The following RPL7L1 variants were observed in gnomAD, a reference collection of about 807,000 sequenced individuals.
RPL7L1 encodes the protein ribosomal protein uL30-like.
Under a neutral mutation model 30.3 loss-of-function variants are expected in RPL7L1, and 20 were observed. The observed-to-expected ratio is 0.66, with a 90% confidence interval of 0.46 to 0.96. RPL7L1 has a LOEUF of 0.96. RPL7L1 is among the 40% of genes least tolerant of loss of function. RPL7L1 has a pLI of 0.00. For missense variants in RPL7L1, 271 were observed against 314.9 expected (o/e 0.86, Z 1.05); for synonymous variants, 107 against 110.1 (o/e 0.97, Z 0.18).
At position 42,884,724 on chromosome 6, in the gene RPL7L1, T is replaced by A; in HGVS notation, c.423T>A (p.Arg141=). 6.2e-7 allele frequency: 1 copy of A among 1,614,088 alleles called. No homozygotes were observed. Among genetic ancestry groups the A allele is most frequent in the Admixed American group, 1.7e-5 (1 of 60,010 alleles). ...KVTPQNLKML[R]IVEPYVTWGF... The stretch of plus-strand genomic sequence containing the variant: ...CCCCCCAGAATCTAAAAATGCTGCG[T>A]ATAGTGGAACCTTATGTGACCTGGG... The change falls in exon 4 of 6, where the codon CGT becomes CGA. Residue 141 remains arginine, a synonymous_variant. Coordinates refer to ENST00000493763, the MANE Select transcript of RPL7L1 (RefSeq NM_001366481.3).
chr6:42,880,740 T>C, intron 1 of RPL7L1, 121 bp from the exon 2 acceptor site: 1 of 562,442 alleles, frequency 1.8e-6, no homozygotes, highest in Non-Finnish European at 3.2e-6. Context: ...CTCGAACTCC[T>C]GACCTCAGGT....
In RPL7L1 at chr6:42,879,873, A is replaced by G. The variant is rs1483128221; in HGVS notation, c.-38A>G. 1.4e-5 allele frequency: 22 copies of G among 1,610,908 alleles called. No individual in the cohort carries two copies. The highest frequency in any genetic ancestry group is 1.5e-5 in the Non-Finnish European group (18 of 1,177,898). On this transcript the variant is annotated 5_prime_UTR_variant, in exon 1 of 6. Coordinates refer to ENST00000493763, the MANE Select transcript of RPL7L1 (RefSeq NM_001366481.3). Reference sequence around the variant, plus strand: ...CAGACGTCTCTATGGTCAAGTAAACAGAGCGTGTGCTGTCTTCCCCATGTG... The same window carrying G: ...CAGACGTCTCTATGGTCAAGTAAACGGAGCGTGTGCTGTCTTCCCCATGTG...
Position 42,887,067 on chromosome 6 carries a change from T to A in RPL7L1, c.*603T>A. 6.6e-6 allele frequency: 1 copy of A among 151,960 alleles called. No individual in the cohort carries two copies. The highest frequency in any genetic ancestry group is 1.5e-5 in the Non-Finnish European group (1 of 68,014). The allele number at this position is 151,960 out of a possible 1,614,324, so 9.4% of individuals were successfully genotyped here. ...GGAAAGAATAATATTAATAACTGATTTCAAAAAGGACTTGAAGATGTGAAT... is the reference window on the plus strand; with the variant it reads ...GGAAAGAATAATATTAATAACTGATATCAAAAAGGACTTGAAGATGTGAAT... On this transcript the variant is annotated 3_prime_UTR_variant, in exon 6 of 6. Coordinates refer to ENST00000493763, the MANE Select transcript of RPL7L1 (RefSeq NM_001366481.3).
At chr6:42,883,307 A>G in intron 2 of RPL7L1, 144 bp from the exon 3 acceptor site, 2 of 582,876 alleles carry the variant, frequency 3.4e-6, no homozygotes, top group Non-Finnish European at 2.7e-6. Context: ...TTTTTCCTTT[A>G]TATGAAAATA....
Position 42,884,561 on chromosome 6 carries a change from A to G in RPL7L1, c.312-52A>G, listed in dbSNP as rs915335600. ...TGACCTCGCATGTTGTGCTTGCTGGACTGACATAAACTGGAGGGAGTCTGT... is the reference window on the plus strand; with the variant it reads ...TGACCTCGCATGTTGTGCTTGCTGGGCTGACATAAACTGGAGGGAGTCTGT... On this transcript the variant is annotated intron_variant, in intron 3 of 5. Coordinates refer to ENST00000493763, the MANE Select transcript of RPL7L1 (RefSeq NM_001366481.3). 5.1e-6 allele frequency: 8 copies of G among 1,571,480 alleles called. No individual in the cohort carries two copies. In the African/African-American group the frequency reaches 1.1e-4, roughly 21 times the overall value.
Position 42,884,703 on chromosome 6 carries a change from C to G in RPL7L1, c.402C>G (p.Pro134=). Residue 134 remains proline, a synonymous_variant, in exon 4 of 6, where the codon CCC becomes CCG. Coordinates refer to ENST00000493763, the MANE Select transcript of RPL7L1 (RefSeq NM_001366481.3). ...GTGGTGTCTTTGTAAAAGTCACCCC[C>G]CAGAATCTAAAAATGCTGCGTATAG... ...IFSGVFVKVT[P]QNLKMLRIVE... The G allele has an allele frequency of 6.2e-7, 1 of 1,614,062 alleles. No individual in the cohort carries two copies. The highest frequency in any genetic ancestry group is 8.5e-7 in the Non-Finnish European group (1 of 1,180,008).
chr6:42,879,894 A>C lies in RPL7L1; in HGVS notation c.-17A>C. On this transcript the variant is annotated 5_prime_UTR_variant, in exon 1 of 6. An upstream start codon of the reference 5' UTR is lost. Coordinates refer to ENST00000493763, the MANE Select transcript of RPL7L1 (RefSeq NM_001366481.3). ...AAACAGAGCGTGTGCTGTCTTCCCC[A>C]TGTGGTGGGGTTGCGCATGATCAGT... The C allele has an allele frequency of 6.2e-7, 1 of 1,613,558 alleles. No individual in the cohort carries two copies. Among genetic ancestry groups the C allele is most frequent in the Non-Finnish European group, 8.5e-7 (1 of 1,179,740 alleles).
rs370275551 is a variant in RPL7L1, at chr6:42,884,760, G to A, written c.449+10G>A. 4.2e-5 allele frequency: 68 copies of A among 1,609,214 alleles called. No homozygotes were observed. The highest frequency in any genetic ancestry group is 5.5e-5 in the Non-Finnish European group (65 of 1,176,782). ...CTTATGTGACCTGGGGGTAAGTAAG[G>A]TTTTCCATGTGAATTCACATTAGAT... On this transcript the variant is annotated intron_variant, in intron 4 of 5. Transcript: ENST00000493763.
At position 42,883,489 on chromosome 6, in the gene RPL7L1, ATCAT is replaced by A; in HGVS notation, c.189_192del (p.Phe64TyrfsTer17). On this transcript the variant is annotated frameshift_variant, in exon 3 of 6. Transcript: ENST00000493763. LOFTEE classifies it high-confidence loss of function. ...AAGGGCTCAGGTTTAAGCGACTGGA[ATCAT>A]TCCTACATGATTCCTGGCGGCAGAA... 6.2e-7 allele frequency: 1 copy of A among 1,604,522 alleles called. No individual in the cohort carries two copies. Among genetic ancestry groups the A allele is most frequent in the East Asian group, 2.2e-5 (1 of 44,794 alleles).
At chr6:42,884,095 C>T (rs962119539) in intron 3 of RPL7L1, among the ~76,000 whole-genome samples, 2 of 152,152 alleles carry the variant, frequency 1.3e-5, no homozygotes, top group Non-Finnish European at 2.9e-5. Context: ...TTTCCCCTAC[C>T]CAATCACCCA....
intron 4 of RPL7L1, among the ~76,000 whole-genome samples, chr6:42,885,358 G>A (rs1766225922): frequency 6.6e-6 from 1 of 150,562 alleles, no homozygotes; most frequent in African/African-American, 2.5e-5. Flanking sequence ...CAGACACGGT[G>A]GATCACGAGG....
rs374234947 is a variant in RPL7L1, at chr6:42,884,626, A to T, written c.325A>T (p.Ser109Cys). 1 of 1,612,624 alleles carries T rather than the reference A, an allele frequency of 6.2e-7. No individual in the cohort carries two copies. The highest frequency in any genetic ancestry group is 1.7e-5 in the Admixed American group (1 of 59,950). The stretch of plus-strand genomic sequence containing the variant: ...TGTTCATTTCAGGATTGACGGCGTG[A>T]GTTTACTGGTGCAGAGAACCATTGC... ...VVRIERIDGV[S>C]LLVQRTIARL... The change falls in exon 4 of 6, where the codon AGT (serine) becomes TGT (cysteine). Residue 109 changes from serine to cysteine, a missense_variant. By Grantham distance (112) the Ser-to-Cys change is moderately radical (BLOSUM62 -1). Coordinates refer to ENST00000493763, the MANE Select transcript of RPL7L1 (RefSeq NM_001366481.3).
Position 42,883,550 on chromosome 6 carries a change from G to T in RPL7L1, c.247G>T (p.Val83Leu), listed in dbSNP as rs992876541. 1.9e-6 allele frequency: 3 copies of T among 1,610,066 alleles called. No individual in the cohort carries two copies. The highest frequency in any genetic ancestry group is 2.5e-6 in the Non-Finnish European group (3 of 1,178,388). Residue 83 changes from valine to leucine, a missense_variant, in exon 3 of 6, where the codon GTG becomes TTG. Physicochemically the swap from Val to Leu is conservative, Grantham distance 32. Transcript: ENST00000493763. ...RDKVRLRRLE[V>L]KPHALELPDK... is the part of the protein sequence containing the mutation. ...CAAGGTGCGTCTCAGACGACTAGAAGTGAAACCTCATGCCTTGGAATTGCC... is the reference window on the plus strand; with the variant it reads ...CAAGGTGCGTCTCAGACGACTAGAATTGAAACCTCATGCCTTGGAATTGCC...
rs1454853776 is a variant in RPL7L1 at position 42,886,891 on chromosome 6, GGCTAAGGCAGGAAAATC to G, written c.*431_*447del. Reference sequence around the variant, plus strand: ...TGCCTGTAGTCCCAGCTACTCGAGAGGCTAAGGCAGGAAAATCGCTTGAACCCAGGAGGCAGAGATTG... The same window carrying G: ...TGCCTGTAGTCCCAGCTACTCGAGAGGCTTGAACCCAGGAGGCAGAGATTG... On this transcript the variant is annotated 3_prime_UTR_variant, in exon 6 of 6. Coordinates refer to ENST00000493763, the MANE Select transcript of RPL7L1 (RefSeq NM_001366481.3). 1 of 162,914 alleles carries G rather than the reference GGCTAAGGCAGGAAAATC, an allele frequency of 6.1e-6. No individual in the cohort carries two copies. Among genetic ancestry groups the G allele is most frequent in the African/African-American group, 2.4e-5 (1 of 41,376 alleles). 10.1% of individuals were successfully genotyped at this position (162,914 alleles called of 1,614,324 possible).
Position 42,883,611 on chromosome 6 carries a change from A to G in RPL7L1, c.308A>G (p.Glu103Gly). Residue 103 changes from glutamate to glycine, a missense_variant, in exon 3 of 6, where the codon GAA (glutamate) becomes GGA (glycine). By Grantham distance (98) the Glu-to-Gly change is moderately conservative (BLOSUM62 -2). Coordinates refer to ENST00000493763, the MANE Select transcript of RPL7L1 (RefSeq NM_001366481.3). ...TCCTTGGCCTTTGTTGTACGCATCG[A>G]AAGGTAAGGAACTGGTGTCTTTCTA... ...KHSLAFVVRI[E>G]RIDGVSLLVQ... The G allele has an allele frequency of 6.3e-7, 1 of 1,589,700 alleles. No homozygotes were observed. The highest frequency in any genetic ancestry group is 1.8e-5 in the Admixed American group (1 of 54,292).
In RPL7L1 at chr6:42,880,037, C is replaced by G. The variant is rs1267413150; in HGVS notation, c.41+86C>G. ...GTGTTTATGCCTTGGTGGCGGATTC[C>G]TGTGGGCTCTAGGAATAGAAAAGGC... On this transcript the variant is annotated intron_variant, in intron 1 of 5. Coordinates refer to ENST00000493763, the MANE Select transcript of RPL7L1 (RefSeq NM_001366481.3). The G allele has an allele frequency of 3.8e-6, 5 of 1,318,664 alleles. No individual in the cohort carries two copies. In the East Asian group the frequency reaches 1.1e-4, roughly 30 times the overall value. 81.7% of individuals were successfully genotyped at this position (1,318,664 alleles called of 1,614,324 possible). A position where few individuals can be genotyped will look rare whatever the true frequency, so the allele number is the denominator to read the frequency against.
Position 42,889,734 on chromosome 6 carries a change from A to G in RPL7L1, c.*3270A>G, listed in dbSNP as rs1485421294. 2.0e-5 allele frequency: 3 copies of G among 152,260 alleles called. No homozygotes were observed. The highest frequency in any genetic ancestry group is 4.4e-5 in the Non-Finnish European group (3 of 68,042). The allele number at this position is 152,260 out of a possible 1,614,324, so 9.4% of individuals were successfully genotyped here. Reference sequence around the variant, plus strand: ...AACCTGTGTGCCTGACATGATGGTTAAAGGGATTAAACAAAACAATAGTTT... The same window carrying G: ...AACCTGTGTGCCTGACATGATGGTTGAAGGGATTAAACAAAACAATAGTTT... On this transcript the variant is annotated 3_prime_UTR_variant, in exon 6 of 6. Coordinates refer to ENST00000493763, the MANE Select transcript of RPL7L1 (RefSeq NM_001366481.3).
chr6:42,884,833 C>T (rs1766205070), intron 4 of RPL7L1, 83 bp downstream of exon 4: 2 of 1,370,284 alleles, frequency 1.5e-6, no homozygotes, highest in South Asian at 2.6e-5. Context: ...TTCCAGGGCT[C>T]ATGTTGCTGT....
At chr6:42,884,248 A>T (rs1766183526) in intron 3 of RPL7L1, among the ~76,000 whole-genome samples, 1 of 152,138 alleles carries the variant, frequency 6.6e-6, no homozygotes, top group Non-Finnish European at 1.5e-5. Flanking sequence ...TCTGTCCCAT[A>T]CACTGCCCTT....
Sources: gnomAD v4.1 joint callset for allele counts (sites outside exome capture counted in the v4.1 genomes callset) on GRCh38, gnomAD v4.1.1 for gene constraint, MANE v1.5 for transcripts, NCBI Gene and HGNC (gene_info 2026-07-23, HGNC 2026-07-21) for gene names.